The following WNK2 variants were observed in gnomAD, a reference collection of about 807,000 sequenced individuals.
WNK2 encodes the protein WNK lysine deficient protein kinase 2.
In WNK2, 67 loss-of-function variants were observed where a neutral mutation model predicts 192.1. The observed-to-expected ratio is 0.35, with a 90% CI of 0.29 to 0.43. WNK2 has a LOEUF of 0.43. Ranked by LOEUF, WNK2 falls within the 20% of genes least tolerant of loss-of-function variation. WNK2 has a pLI of 1.00. For missense variants in WNK2, 2,698 were observed against 3,089.7 expected (o/e 0.87, Z 3.01); for synonymous variants, 1,439 against 1,393.9 (o/e 1.03, Z -0.72).
chr9:93,197,711 C>T (rs775930952), intron 2 of WNK2, among the ~76,000 whole-genome samples: 34 of 152,084 alleles, frequency 2.2e-4, no homozygotes, highest in African/African-American at 6.0e-4. Context: ...GTAGTAGAGA[C>T]GGGGTTTCAC....
intron 19 of WNK2, among the ~76,000 whole-genome samples, chr9:93,270,949 C>A (rs184093161): frequency 3.3e-5 from 5 of 152,048 alleles, no homozygotes; most frequent in East Asian, 1.9e-4. Flanking sequence ...GGTTTCTGTT[C>A]GAAGGTTTGG....
chr9:93,245,039 T>C (rs1049441388), intron 7 of WNK2, among the ~76,000 whole-genome samples: 1 of 151,568 alleles, frequency 6.6e-6, no homozygotes, highest in Admixed American at 6.6e-5. Context: ...GCCCCACTTA[T>C]GTCTCTTCTG....
At chr9:93,306,000 A>AGG (rs563291461) in intron 26 of WNK2, among the ~76,000 whole-genome samples, 3,966 of 152,148 alleles carry the variant, frequency 0.026, 84 homozygotes, top group South Asian at 0.076. Flanking sequence ...CCTTGTCCCC[A>AGG]CCAGGCTGGG....
Position 93,292,812 on chromosome 9 carries a change from G to A in WNK2, c.5347G>A (p.Asp1783Asn), listed in dbSNP as rs534820585. The A allele has an allele frequency of 2.0e-5, 30 of 1,534,774 alleles. No homozygotes were observed. The African/African-American group carries it at 2.9e-4, about 15-fold the overall frequency. Residue 1783 changes from aspartate (D) to asparagine (N), a missense_variant, in exon 23 of 30, where the codon GAC becomes AAC. Around this residue, in one of 7 missense-constraint regions of WNK2, gnomAD observed 1,098 missense variants for 1,101.0 expected, o/e 1.00. Coordinates refer to ENST00000427277, the MANE Select transcript of WNK2 (RefSeq NM_006648.4). ...CCTGGACGAGGCCCCCTCCAGCCCC[G>A]ACGTGAAGCTGGCAGTGCGGCGGGC... is the stretch of plus-strand genomic sequence containing the variant. ...VYLDEAPSSP[D>N]VKLAVRRAQT...
chr9:93,320,385 C>T lies in WNK2; in HGVS notation c.6647C>T (p.Pro2216Leu), dbSNP rs1173912426. ...VPTPDPESEK[P>L]D ...TTTCCAGATCCTGAGAGTGAGAAGC[C>T]TGACTGACCCCGCCTAGACGCCAGG... Residue 2216 changes from proline (P) to leucine (L), a missense_variant, in exon 30 of 30, where the codon CCT becomes CTT. Pro to Leu is a moderately conservative substitution (Grantham distance 98). Coordinates refer to ENST00000427277, the MANE Select transcript of WNK2 (RefSeq NM_006648.4). 1 of 1,367,528 alleles carries T rather than the reference C, an allele frequency of 7.3e-7. No homozygotes were observed. Among genetic ancestry groups the T allele is most frequent in the African/African-American group, 1.5e-5 (1 of 67,756 alleles). The allele number at this position is 1,367,528 out of a possible 1,614,324, so 84.7% of individuals were successfully genotyped here.
intron 29 of WNK2, chr9:93,318,992 T>G: frequency 6.7e-7 from 1 of 1,493,686 alleles, no homozygotes; most frequent in Non-Finnish European, 8.9e-7. Flanking sequence ...ATTTTCTAGG[T>G]GATTATGCAG....
chr9:93,238,379 C>G, intron 6 of WNK2, 58 bp downstream of exon 6: 1 of 1,514,746 alleles, frequency 6.6e-7, no homozygotes, highest in Non-Finnish European at 9.2e-7. Flanking sequence ...CTCATTCCAG[C>G]TTGCATTGAG....
At chr9:93,317,767 A>G in intron 29 of WNK2, 136 bp downstream of exon 29, 1 of 1,467,158 alleles carries the variant, frequency 6.8e-7, no homozygotes. Context: ...GGCAGCTGGA[A>G]CACCCCCCAG....
chr9:93,242,926 CT>C (rs779803576), intron 7 of WNK2, among the ~76,000 whole-genome samples: 1 of 152,166 alleles, frequency 6.6e-6, no homozygotes, highest in Non-Finnish European at 1.5e-5. Context: ...ATGAGGCGCT[CT>C]TGTTCCTTCC....
At chr9:93,269,636 C>T (rs974836862) in intron 19 of WNK2, among the ~76,000 whole-genome samples, 2 of 152,170 alleles carry the variant, frequency 1.3e-5, no homozygotes, top group African/African-American at 2.4e-5. Context: ...TCGTATATTA[C>T]TTCTGGATTT....
chr9:93,274,077 A>G (rs1423406381), intron 19 of WNK2, among the ~76,000 whole-genome samples: 1 of 152,224 alleles, frequency 6.6e-6, no homozygotes, highest in African/African-American at 2.4e-5. Flanking sequence ...AGCAAGCATA[A>G]TGAAGAAAAT....
In WNK2 at chr9:93,185,520, C is replaced by T. The variant is rs1829129013; in HGVS notation, c.591C>T (p.Phe197=). 6.2e-7 allele frequency: 1 copy of T among 1,612,892 alleles called. No individual in the cohort carries two copies. ...ATSLDGRFLK[F]DIELGRGSFK... is the part of the protein sequence containing the mutation. The stretch of plus-strand genomic sequence containing the variant: ...CTCTGGACGGCCGCTTCCTCAAGTT[C>T]GACATCGAGCTGGGCCGCGGTTCCT... Residue 197 remains phenylalanine, a synonymous_variant, in exon 2 of 30, where the codon TTC becomes TTT. Transcript: ENST00000427277.
intron 28 of WNK2, chr9:93,315,943 C>G (rs1301473647): frequency 6.6e-6 from 1 of 151,904 alleles, no homozygotes; most frequent in Non-Finnish European, 1.5e-5. Flanking sequence ...TTAGCTATTG[C>G]TTTAGATCCC....
chr9:93,238,051 C>T (rs184323610), intron 5 of WNK2, among the ~76,000 whole-genome samples, 182 bp from the exon 6 acceptor site: 8 of 152,218 alleles, frequency 5.3e-5, no homozygotes, highest in Admixed American at 4.6e-4. Flanking sequence ...TCCCAGAGCC[C>T]GCATTTGGCT....
At position 93,292,751 on chromosome 9, in the gene WNK2, C is replaced by G. The variant is rs771683930; in HGVS notation, c.5286C>G (p.Pro1762=). The change falls in exon 23 of 30, where the codon CCC becomes CCG. Residue 1762 remains proline (P), a synonymous_variant. Transcript: ENST00000427277. The part of the protein sequence containing the change: ...STQDEWTLAS[P]HSLRYSAPPD... Reference sequence around the variant, plus strand: ...AGGACGAGTGGACCCTGGCCTCCCCCCACAGCCTGAGATACTCTGCCCCAC... The same window carrying G: ...AGGACGAGTGGACCCTGGCCTCCCCGCACAGCCTGAGATACTCTGCCCCAC... The G allele has an allele frequency of 6.4e-6, 10 of 1,563,100 alleles. No individual in the cohort carries two copies. Among genetic ancestry groups the G allele is most frequent in the East Asian group, 2.4e-5 (1 of 41,472 alleles).
intron 2 of WNK2, among the ~76,000 whole-genome samples, chr9:93,193,619 C>T (rs914186778): frequency 6.6e-6 from 1 of 152,174 alleles, no homozygotes; most frequent in African/African-American, 2.4e-5. Flanking sequence ...CTAGGATCTG[C>T]CTCTGACCAT....
At chr9:93,306,517 T>A in intron 26 of WNK2, 1 of 490,266 alleles carries the variant, frequency 2.0e-6, no homozygotes, top group Non-Finnish European at 3.6e-6. Context: ...AGAATATGCT[T>A]CTAGAGACAA....
Position 93,252,963 on chromosome 9 carries a change from T to G in WNK2, c.1915T>G (p.Ser639Ala). The change falls in exon 9 of 30, where the codon TCC becomes GCC. Residue 639 changes from serine to alanine, a missense_variant. Physicochemically the swap from Ser to Ala is moderately conservative, Grantham distance 99 (BLOSUM62 1). Coordinates refer to ENST00000427277, the MANE Select transcript of WNK2 (RefSeq NM_006648.4). ...QSSQQSVMLG[S>A]LADAAPSPAQ... is the part of the protein sequence containing the mutation. The stretch of plus-strand genomic sequence containing the variant: ...CAGCCAGCAGAGCGTGATGCTTGGC[T>G]CCCTTGCCGACGCAGCGCCGTCCCC... The G allele has an allele frequency of 6.3e-7, 1 of 1,576,512 alleles. No homozygotes were observed. The highest frequency in any genetic ancestry group is 8.6e-7 in the Non-Finnish European group (1 of 1,162,298).
intron 9 of WNK2, among the ~76,000 whole-genome samples, chr9:93,255,343 C>G (rs1426207804): frequency 6.6e-6 from 1 of 152,166 alleles, no homozygotes; most frequent in Admixed American, 6.5e-5. Context: ...GCCACTTGCT[C>G]CAGGCTGCCA....
Sources: gnomAD v4.1 joint callset for allele counts (sites outside exome capture counted in the v4.1 genomes callset) on GRCh38, gnomAD v4.1.1 for gene constraint, gnomAD v4.1.1 regional missense constraint, MANE v1.5 for transcripts, NCBI Gene and HGNC (gene_info 2026-07-23, HGNC 2026-07-21) for gene names.